BRCA1: variants seen among roughly 807,000 people sequenced by gnomAD.
BRCA1 encodes the protein breast cancer type 1 susceptibility protein.
BRCA1 carries 140 observed loss-of-function variants against 173.7 expected under a neutral mutation model. The ratio of observed to expected loss-of-function variants is 0.81; its 90% CI spans 0.70 to 0.93. BRCA1 has a LOEUF of 0.93. Ranked by LOEUF, BRCA1 falls within the 40% of genes least tolerant of loss-of-function variation. The probability of loss-of-function intolerance (pLI) is 0.00; values close to 1 mark genes in which losing one functional copy is unlikely to be tolerated. For missense variants in BRCA1, 1,983 were observed against 2,172.5 expected, an observed-to-expected ratio of 0.91 and a Z score of 1.73; for synonymous variants, 662 against 756.0, an observed-to-expected ratio of 0.88 and a Z score of 2.04.
chr17:43,070,078 C>T (rs1046040543), intron 15 of BRCA1, among the ~76,000 whole-genome samples: 2 of 152,070 alleles, frequency 1.3e-5, no homozygotes, highest in Non-Finnish European at 2.9e-5. Flanking sequence ...GGATTATAGG[C>T]ATGCGCCACC....
chr17:43,135,182 C>T (rs894306710), intron 1 of BRCA1, among the ~76,000 whole-genome samples: 1 of 152,280 alleles, frequency 6.6e-6, no homozygotes, highest in African/African-American at 2.4e-5. Context: ...ACCCCGTGCA[C>T]TTCCACCTTC....
intron 1 of BRCA1, among the ~76,000 whole-genome samples, chr17:43,158,551 TA>T (rs2056212380): frequency 6.6e-6 from 1 of 152,214 alleles, no homozygotes; most frequent in African/African-American, 2.4e-5. Context: ...TACCCTTTTT[TA>T]TTGTGGGTAA....
In BRCA1 at chr17:43,115,736, T is replaced by C. The variant is rs80357163; in HGVS notation, c.124A>G (p.Ile42Val). 2 of 1,613,494 alleles carry C rather than the reference T, an allele frequency of 1.2e-6. No homozygotes were observed. The highest frequency in any genetic ancestry group is 1.7e-5 in the Admixed American group (1 of 59,910). Residue 42 changes from isoleucine to valine, a missense_variant, in exon 3 of 23, where the codon ATA (isoleucine) becomes GTA (valine). Physicochemically the swap from Ile to Val is conservative, Grantham distance 29. Transcript: ENST00000357654. ...KEPVSTKCDH[I>V]FCKFCMLKLL... ...CACATTCAAACTTACTTGCAAAATATGTGGTCACACTTTGTGGAGACAGGT... is the reference window on the plus strand; with the variant it reads ...CACATTCAAACTTACTTGCAAAATACGTGGTCACACTTTGTGGAGACAGGT...
At chr17:43,072,074 G>T (rs1184058047) in intron 14 of BRCA1, among the ~76,000 whole-genome samples, 4 of 151,060 alleles carry the variant, frequency 2.6e-5, no homozygotes, top group Non-Finnish European at 5.9e-5. Flanking sequence ...AAGAAACACA[G>T]AAATATTTTA....
chr17:43,151,425 C>A (rs1354428250), intron 1 of BRCA1, among the ~76,000 whole-genome samples: 1 of 151,892 alleles, frequency 6.6e-6, no homozygotes, highest in Non-Finnish European at 1.5e-5. Flanking sequence ...ACTAAAAATA[C>A]AAAAATGAGC....
At chr17:43,135,833 CTG>C (rs988625305) in intron 1 of BRCA1, among the ~76,000 whole-genome samples, 11 of 152,232 alleles carry the variant, frequency 7.2e-5, no homozygotes, top group African/African-American at 2.4e-4. Context: ...GCCCTGACCT[CTG>C]GGGTAGGGTG....
In BRCA1 at chr17:43,044,663, T is replaced by C. The variant is rs1283653204; in HGVS notation, c.*1015A>G. 1.2e-5 allele frequency: 6 copies of C among 506,566 alleles called. No individual in the cohort carries two copies. Among genetic ancestry groups the C allele is most frequent in the Non-Finnish European group, 2.3e-5 (6 of 259,126 alleles). 31.4% of individuals were successfully genotyped at this position (506,566 alleles called of 1,614,324 possible). ...TATACCAGAGCTACAACAATAAACA[T>C]TTTACTTATTACTAATGAGGAATTA... On this transcript the variant is annotated 3_prime_UTR_variant, in exon 23 of 23. Transcript: ENST00000357654.
At chr17:43,139,674 G>A (rs1597935449) in intron 1 of BRCA1, 1 of 345,852 alleles carries the variant, frequency 2.9e-6, no homozygotes, top group East Asian at 7.9e-5. Flanking sequence ...AGTTTTTTTG[G>A]CTCCTCTCCC....
At position 43,109,898 on chromosome 17, in the gene BRCA1, CT is replaced by C. The variant is rs879354024; in HGVS notation, c.135-3366del. Among the ~76,000 whole-genome samples, 811 of 141,206 alleles carry C rather than the reference CT, an allele frequency of 5.7e-3. 1 individual carries two copies. The highest frequency in any genetic ancestry group is 0.015 in the Middle Eastern group (4 of 274). The allele number at this position is 141,206 out of a possible 152,430, so 92.6% of individuals were successfully genotyped here. ...AATCAACCAAGATAAGGATTCGAATCTTTTTTTTTTTTTTTAGACGGAGTCT... is the reference window on the plus strand; with the variant it reads ...AATCAACCAAGATAAGGATTCGAATCTTTTTTTTTTTTTTAGACGGAGTCT... On this transcript the variant is annotated intron_variant, in intron 3 of 22. Transcript: ENST00000357654.
intron 1 of BRCA1, among the ~76,000 whole-genome samples, chr17:43,149,446 G>T (rs939922685): frequency 2.0e-5 from 3 of 150,730 alleles, no homozygotes; most frequent in Admixed American, 6.6e-5. Context: ...TGTTGGCCAG[G>T]CTGGTCTCGA....
chr17:43,055,246 T>C (rs556307724), intron 19 of BRCA1, among the ~76,000 whole-genome samples: 36 of 152,360 alleles, frequency 2.4e-4, no homozygotes, highest in African/African-American at 7.7e-4. Context: ...GAGAAAGTCA[T>C]TGAGTCTTCT....
chr17:43,167,476 CA>C (rs902676110), intron 1 of BRCA1: 1 of 152,088 alleles, frequency 6.6e-6, no homozygotes, highest in Admixed American at 6.6e-5. Flanking sequence ...TAGATCGGAA[CA>C]AAACAGGAAA....
chr17:43,059,351 C>G (rs142638930), intron 18 of BRCA1, among the ~76,000 whole-genome samples: 1 of 152,112 alleles, frequency 6.6e-6, no homozygotes, highest in African/African-American at 2.4e-5. Flanking sequence ...GTAATCCCAG[C>G]TACTCGGGAG....
At position 43,092,245 on chromosome 17, in the gene BRCA1, G is replaced by T. The variant is rs80357485; in HGVS notation, c.3286C>A (p.Gln1096Lys). 6.2e-7 allele frequency: 1 copy of T among 1,613,508 alleles called. No homozygotes were observed. Among genetic ancestry groups the T allele is most frequent in the East Asian group, 2.2e-5 (1 of 44,862 alleles). Residue 1096 changes from glutamine (Q) to lysine (K), a missense_variant, in exon 10 of 23, where the codon CAA becomes AAA. Gln to Lys is a moderately conservative substitution (Grantham distance 53, BLOSUM62 1). Coordinates refer to ENST00000357654, the MANE Select transcript of BRCA1 (RefSeq NM_007294.4). ...TTACAATTACTTCCAGGAAGACTTT[G>T]TTTATAGACCTCAGGTTGCAAAACC... Reference protein sequence around the residue: ...LGVLQPEVYKQSLPGSNCKHP... With the variant: ...LGVLQPEVYKKSLPGSNCKHP...
chr17:43,147,537 A>G (rs2056131499), intron 1 of BRCA1, among the ~76,000 whole-genome samples: 1 of 150,570 alleles, frequency 6.6e-6, no homozygotes, highest in South Asian at 2.1e-4. Flanking sequence ...CAAACTCCCA[A>G]CCTCAAGTGA....
rs1567807801 is a variant in BRCA1 at position 43,100,682 on chromosome 17, T to TATATA, written c.442-807_442-803dup. Among the ~76,000 whole-genome samples, 7 of 74,472 alleles carry TATATA rather than the reference T, an allele frequency of 9.4e-5. No homozygotes were observed. In the African/African-American group the frequency reaches 1.1e-3, roughly 11 times the overall value. 48.9% of individuals were successfully genotyped at this position (74,472 alleles called of 152,430 possible). On this transcript the variant is annotated intron_variant, in intron 6 of 22. Coordinates refer to ENST00000357654, the MANE Select transcript of BRCA1 (RefSeq NM_007294.4). ...CATATATATATATATATATATAATATATATATATATATATATATATGTAAT... is the reference window on the plus strand; with the variant it reads ...CATATATATATATATATATATAATATATATAATATATATATATATATATATGTAAT...
intron 1 of BRCA1, among the ~76,000 whole-genome samples, chr17:43,137,470 G>A (rs952514278): frequency 1.3e-5 from 2 of 151,106 alleles, no homozygotes; most frequent in African/African-American, 4.9e-5. Context: ...CCCTTTTTCT[G>A]GGAGATTGAT....
At chr17:43,139,076 C>T (rs1043402428) in intron 1 of BRCA1, among the ~76,000 whole-genome samples, 10 of 151,962 alleles carry the variant, frequency 6.6e-5, no homozygotes, top group Non-Finnish European at 1.0e-4. Context: ...GGTAGTGTAA[C>T]GTAAGAAGAA....
intron 3 of BRCA1, among the ~76,000 whole-genome samples, chr17:43,114,503 G>A (rs959942784): frequency 6.6e-6 from 1 of 151,638 alleles, no homozygotes; most frequent in African/African-American, 2.4e-5. Context: ...AATGTACATG[G>A]CCATAGTTTT....
Sources: allele counts gnomAD v4.1 joint callset (sites outside exome capture counted in the v4.1 genomes callset), GRCh38; gene constraint gnomAD v4.1.1; transcripts MANE v1.5; gene names NCBI Gene and HGNC (gene_info 2026-07-23, HGNC 2026-07-21).